The following CLSTN2 variants were observed in gnomAD, a reference collection of about 807,000 sequenced individuals.
The protein encoded by CLSTN2 is calsyntenin-2.
A neutral mutation model predicts 101.2 loss-of-function variants in CLSTN2; 48 were observed. The ratio of observed to expected loss-of-function variants is 0.47; its 90% confidence interval spans 0.38 to 0.60. The LOEUF (loss-of-function observed/expected upper bound fraction) is 0.60. Ranked by LOEUF, CLSTN2 falls within the 20% of genes least tolerant of loss-of-function variation. The probability of loss-of-function intolerance (pLI) is 0.00; values close to 1 mark genes in which losing one functional copy is unlikely to be tolerated. For missense variants in CLSTN2, 1,160 were observed against 1,238.2 expected (o/e 0.94, Z 0.95); for synonymous variants, 481 against 463.6 (o/e 1.04, Z -0.48).
In CLSTN2 at chr3:140,424,722, C is replaced by G. The variant is rs568918703; in HGVS notation, c.787+3448C>G. The stretch of plus-strand genomic sequence containing the variant: ...GGAAAGGTTTGGCTTTTCATGGAGC[C>G]AGTATGGGGTGAATCCTGCACTTTG... On this transcript the variant is annotated intron_variant, in intron 5 of 16. Transcript: ENST00000458420. 9.2e-5 allele frequency among the ~76,000 whole-genome samples: 14 copies of G among 152,312 alleles called. No homozygotes were observed. In the South Asian group the frequency reaches 2.7e-3, roughly 29 times the overall value.
At chr3:140,364,032 C>T (rs1482900480) in intron 2 of CLSTN2, among the ~76,000 whole-genome samples, 1 of 152,220 alleles carries the variant, frequency 6.6e-6, no homozygotes, top group Admixed American at 6.5e-5. Context: ...TGCGTTTAAT[C>T]ATCAGTAGGT....
chr3:140,032,185 A>G (rs1029596834), intron 1 of CLSTN2, among the ~76,000 whole-genome samples: 13 of 152,176 alleles, frequency 8.5e-5, no homozygotes, highest in African/African-American at 2.2e-4. Flanking sequence ...AAAGACCCAT[A>G]CATTTACTCA....
intron 1 of CLSTN2, among the ~76,000 whole-genome samples, chr3:139,978,648 TTGTG>T (rs552137591): frequency 0.062 from 8,336 of 135,206 alleles, 497 homozygotes; most frequent in African/African-American, 0.16. Flanking sequence ...GGATGGGGGA[TTGTG>T]TGTGTGTGTG....
At chr3:140,295,481 T>G (rs2107906301) in intron 2 of CLSTN2, among the ~76,000 whole-genome samples, 1 of 152,316 alleles carries the variant, frequency 6.6e-6, no homozygotes, top group Admixed American at 6.5e-5. Flanking sequence ...TGTTGAGTAT[T>G]TATGGACTTG....
intron 2 of CLSTN2, among the ~76,000 whole-genome samples, chr3:140,240,181 T>TATATATATATAC (rs2086450666): frequency 1.3e-4 from 1 of 7,776 alleles, no homozygotes; most frequent in Non-Finnish European, 1.3e-3. Flanking sequence ...TCTCTATATA[T>TATATATATATAC]ATATATATAT....
chr3:140,423,272 C>T (rs1440521796), intron 5 of CLSTN2, among the ~76,000 whole-genome samples: 3 of 152,208 alleles, frequency 2.0e-5, no homozygotes, highest in Non-Finnish European at 4.4e-5. Flanking sequence ...CACCTTATAG[C>T]GCACACTGCT....
At chr3:140,358,664 C>T (rs939730842) in intron 2 of CLSTN2, among the ~76,000 whole-genome samples, 1 of 152,126 alleles carries the variant, frequency 6.6e-6, no homozygotes, top group Non-Finnish European at 1.5e-5. Context: ...GTTCTCAATA[C>T]TGGCAACTTA....
intron 1 of CLSTN2, among the ~76,000 whole-genome samples, chr3:140,021,241 G>T (rs774772034): frequency 8.0e-4 from 121 of 152,156 alleles, no homozygotes; most frequent in Non-Finnish European, 7.8e-4. Flanking sequence ...AGTACTCTGA[G>T]TTACTGCCCC....
chr3:140,384,247 C>G (rs572300156), intron 2 of CLSTN2, among the ~76,000 whole-genome samples: 23 of 152,344 alleles, frequency 1.5e-4, no homozygotes, highest in African/African-American at 5.3e-4. Context: ...GAGCACGTTC[C>G]ACTCCACCAT....
intron 2 of CLSTN2, among the ~76,000 whole-genome samples, chr3:140,299,298 G>A (rs1003868701): frequency 2.0e-5 from 3 of 152,174 alleles, no homozygotes; most frequent in African/African-American, 4.8e-5. Context: ...GTTCCCAGCC[G>A]TTGTCCTTAA....
chr3:140,361,492 C>T (rs1467089301), intron 2 of CLSTN2, among the ~76,000 whole-genome samples: 1 of 151,950 alleles, frequency 6.6e-6, no homozygotes, highest in African/African-American at 2.4e-5. Flanking sequence ...TGAAATAAAA[C>T]AAACAAAAAG....
chr3:140,372,103 T>C (rs1264396400), intron 2 of CLSTN2, among the ~76,000 whole-genome samples: 1 of 152,158 alleles, frequency 6.6e-6, no homozygotes, highest in African/African-American at 2.4e-5. Context: ...AGCAGGAGCT[T>C]TGTCTACTGT....
At position 140,213,243 on chromosome 3, in the gene CLSTN2, T is replaced by TTG. The variant is rs371818921; in HGVS notation, c.232+37182_232+37183dup. Among the ~76,000 whole-genome samples the TTG allele has an allele frequency of 4.4e-3, 664 of 151,998 alleles. 7 individuals are homozygous for TTG. Among genetic ancestry groups the TTG allele is most frequent in the African/African-American group, 0.015 (638 of 41,478 alleles). On this transcript the variant is annotated intron_variant, in intron 2 of 16. Coordinates refer to ENST00000458420, the MANE Select transcript of CLSTN2 (RefSeq NM_022131.3). ...TTATTTTTTGTAACATGTGTGTGTG[T>TTG]TGTGTGTGTGTGTCGTTTGTGGTGT...
At chr3:140,473,274 A>ACATTACAGGTAAGG (rs1302108056) in intron 8 of CLSTN2, among the ~76,000 whole-genome samples, 2 of 152,068 alleles carry the variant, frequency 1.3e-5, no homozygotes, top group Non-Finnish European at 1.5e-5. Flanking sequence ...CTCTCATGCC[A>ACATTACAGGTAAGG]TGTCACCTTA....
chr3:139,941,237 G>A (rs900164424), intron 1 of CLSTN2, among the ~76,000 whole-genome samples: 33 of 152,080 alleles, frequency 2.2e-4, no homozygotes, highest in Admixed American at 9.8e-4. Flanking sequence ...CTGGGGAAGA[G>A]CACTGAGCTG....
rs1936019107 is a variant in CLSTN2 at position 140,566,043 on chromosome 3, T to A, written c.2668-10T>A. 6.2e-7 allele frequency: 1 copy of A among 1,613,872 alleles called. No individual in the cohort carries two copies. The highest frequency in any genetic ancestry group is 8.5e-7 in the Non-Finnish European group (1 of 1,179,968). On this transcript the variant is annotated splice_polypyrimidine_tract_variant and intron_variant, in intron 16 of 16. Transcript: ENST00000458420. ...CTGATGAGCATTTGCTTTTTCTCCT[T>A]GATATCCAGAAACATGAAGGACCAG...
In CLSTN2 at chr3:140,403,801, G is replaced by A. The variant is rs1559859907; in HGVS notation, c.405G>A (p.Glu135=). The A allele has an allele frequency of 2.0e-5, 33 of 1,611,812 alleles. No homozygotes were observed. The highest frequency in any genetic ancestry group is 2.6e-5 in the Non-Finnish European group (31 of 1,178,594). ...QAYDCGAGPH[E]TAWKKSHKAV... is the part of the protein sequence containing the mutation. ...ATGACTGTGGTGCTGGGCCCCACGA[G>A]ACAGCCTGGAAAAAGTCACACAAGT... is the stretch of plus-strand genomic sequence containing the variant. Residue 135 remains glutamate, a synonymous_variant, in exon 3 of 17, where the codon GAG becomes GAA. Coordinates refer to ENST00000458420, the MANE Select transcript of CLSTN2 (RefSeq NM_022131.3).
intron 1 of CLSTN2, among the ~76,000 whole-genome samples, chr3:139,999,876 G>T (rs551317119): frequency 6.6e-6 from 1 of 152,038 alleles, no homozygotes; most frequent in South Asian, 2.1e-4. Flanking sequence ...GATCACTTGG[G>T]CCTGGGAGTT....
In CLSTN2 at chr3:139,935,385, G is replaced by T; in HGVS notation, c.11G>T (p.Gly4Val). MLP[G>V]RLCWVPLLLA... Reference sequence around the variant, plus strand: ...GCGGCTGCTGCGAGGATGCTGCCTGGGCGGCTGTGCTGGGTGCCGCTCCTG... The same window carrying T: ...GCGGCTGCTGCGAGGATGCTGCCTGTGCGGCTGTGCTGGGTGCCGCTCCTG... The change falls in exon 1 of 17, where the codon GGG (glycine) becomes GTG (valine). Residue 4 changes from glycine to valine, a missense_variant. Coordinates refer to ENST00000458420, the MANE Select transcript of CLSTN2 (RefSeq NM_022131.3). The surrounding 1 kb of genome is among the most constrained non-coding windows in gnomAD (Gnocchi z 5.5). The T allele has an allele frequency of 8.1e-7, 1 of 1,229,736 alleles. No individual in the cohort carries two copies. 76.2% of individuals were successfully genotyped at this position (1,229,736 alleles called of 1,614,324 possible).
Sources: allele counts gnomAD v4.1 joint callset (sites outside exome capture counted in the v4.1 genomes callset), GRCh38; gene constraint gnomAD v4.1.1; non-coding constraint Gnocchi (gnomAD v3.1); transcripts MANE v1.5; gene names NCBI Gene and HGNC (gene_info 2026-07-23, HGNC 2026-07-21).